KLF12: variants seen among roughly 807,000 people sequenced by gnomAD.
KLF12 encodes the protein KLF transcription factor 12.
In KLF12, 9 loss-of-function variants were observed where a neutral mutation model predicts 37.8. That is an observed-to-expected ratio of 0.24 (90% CI 0.14 to 0.42). KLF12 has a LOEUF of 0.42. KLF12 is among the 10% of genes least tolerant of loss of function. The pLI is 1.00. For missense variants in KLF12, 411 were observed against 516.0 expected, an observed-to-expected ratio of 0.80 and a Z score of 1.97; for synonymous variants, 208 against 202.1, an observed-to-expected ratio of 1.03 and a Z score of -0.25.
chr13:73,885,879 A>G (rs1418090675), intron 3 of KLF12, among the ~76,000 whole-genome samples: 2 of 152,234 alleles, frequency 1.3e-5, no homozygotes, highest in Non-Finnish European at 2.9e-5. Flanking sequence ...TAATCCAGAT[A>G]AAAGGCATTT....
In KLF12 at chr13:74,096,615, TTC is replaced by T. The variant is rs556112124; in HGVS notation, c.-32+37122_-32+37123del. ...GAAAATCAATATTCATAAATCATGTTTCTGTTTCCTAGGAAACTAGGTAATAC... is the reference window on the plus strand; with the variant it reads ...GAAAATCAATATTCATAAATCATGTTTGTTTCCTAGGAAACTAGGTAATAC... On this transcript the variant is annotated intron_variant, in intron 1 of 7. Coordinates refer to ENST00000377669, the MANE Select transcript of KLF12 (RefSeq NM_007249.5). Among the ~76,000 whole-genome samples, 162 of 152,334 alleles carry T rather than the reference TTC, an allele frequency of 1.1e-3. 1 individual carries two copies. Among genetic ancestry groups the T allele is most frequent in the Admixed American group, 4.4e-3 (68 of 15,308 alleles).
chr13:74,142,466 G>C, the KLF12 span, among the ~76,000 whole-genome samples: 12 of 152,138 alleles, frequency 7.9e-5, no homozygotes, highest in Non-Finnish European at 1.6e-4. Flanking sequence ...ATTTTTGTTG[G>C]GGTCAGTTTT....
intron 3 of KLF12, among the ~76,000 whole-genome samples, chr13:73,851,850 C>T (rs1283068472): frequency 1.3e-5 from 2 of 152,162 alleles, no homozygotes; most frequent in Non-Finnish European, 1.5e-5. Flanking sequence ...GGTTACGCTG[C>T]ATTATTTTAA....
intron 1 of KLF12, among the ~76,000 whole-genome samples, chr13:74,123,785 T>G (rs1178688533): frequency 6.6e-6 from 1 of 152,230 alleles, no homozygotes; most frequent in Non-Finnish European, 1.5e-5. Context: ...TTATCGAGAC[T>G]AAATGAAAGT....
At chr13:74,276,005 G>C in the KLF12 span, among the ~76,000 whole-genome samples, 1 of 148,728 alleles carries the variant, frequency 6.7e-6, no homozygotes, top group African/African-American at 2.5e-5. Flanking sequence ...TATATGTGCA[G>C]AACGTGCAGG....
chr13:73,719,399 A>G, intron 6 of KLF12, among the ~76,000 whole-genome samples: 1 of 148,868 alleles, frequency 6.7e-6, no homozygotes, highest in Non-Finnish European at 1.5e-5. Flanking sequence ...TTGTATTTCC[A>G]GAACCTAGGA....
the KLF12 span, among the ~76,000 whole-genome samples, chr13:74,234,955 C>T: frequency 2.3e-5 from 3 of 129,176 alleles, no homozygotes; most frequent in East Asian, 2.1e-4. Context: ...TCTCTATCTA[C>T]CTATCTATCT....
intron 3 of KLF12, among the ~76,000 whole-genome samples, chr13:73,907,160 T>C (rs1888340251): frequency 6.6e-6 from 1 of 152,186 alleles, no homozygotes; most frequent in African/African-American, 2.4e-5. Context: ...CATATTATTT[T>C]CTCAGCAACA....
intron 3 of KLF12, among the ~76,000 whole-genome samples, chr13:73,879,186 G>A (rs1230146089): frequency 6.6e-6 from 1 of 152,182 alleles, no homozygotes; most frequent in Non-Finnish European, 1.5e-5. Flanking sequence ...CTGCTGTTCA[G>A]TGAGTATTAC....
intron 3 of KLF12, among the ~76,000 whole-genome samples, chr13:73,897,802 T>G (rs887205564): frequency 2.6e-5 from 4 of 152,186 alleles, no homozygotes; most frequent in Admixed American, 2.6e-4. Flanking sequence ...AAAATACAAA[T>G]CTAATGATGC....
the KLF12 span, among the ~76,000 whole-genome samples, chr13:74,209,787 C>T: frequency 6.6e-6 from 1 of 152,080 alleles, no homozygotes; most frequent in East Asian, 1.9e-4. Flanking sequence ...CACATAAGTG[C>T]CCAATAATTA....
At chr13:73,735,836 G>A (rs1168885491) in intron 6 of KLF12, among the ~76,000 whole-genome samples, 1 of 152,104 alleles carries the variant, frequency 6.6e-6, no homozygotes, top group Non-Finnish European at 1.5e-5. Flanking sequence ...TGAGTCTAAG[G>A]GAGAGTCAAG....
intron 2 of KLF12, among the ~76,000 whole-genome samples, chr13:73,977,158 C>T (rs1230337701): frequency 6.6e-6 from 1 of 151,730 alleles, no homozygotes; most frequent in Non-Finnish European, 1.5e-5. Context: ...TGAAGCACCT[C>T]AGCCTCCTGA....
chr13:74,259,522 T>G, the KLF12 span: 1 of 152,300 alleles, frequency 6.6e-6, no homozygotes, highest in Middle Eastern at 3.4e-3. Context: ...GTACACAGAA[T>G]TTTTCACAGA....
chr13:73,791,007 G>T (rs1194608381), intron 5 of KLF12, among the ~76,000 whole-genome samples: 2 of 152,198 alleles, frequency 1.3e-5, no homozygotes, highest in Non-Finnish European at 2.9e-5. Context: ...GAGAAAAAGG[G>T]GGAGTTGTCT....
intron 1 of KLF12, among the ~76,000 whole-genome samples, chr13:74,044,214 C>A (rs1224524496): frequency 1.3e-5 from 2 of 152,118 alleles, no homozygotes; most frequent in African/African-American, 2.4e-5. Flanking sequence ...CCACAACCGC[C>A]CCACCCTCTT....
chr13:74,286,944 A>G, the KLF12 span, among the ~76,000 whole-genome samples: 2 of 152,212 alleles, frequency 1.3e-5, no homozygotes, highest in African/African-American at 4.8e-5. Context: ...ACCAAGCTGT[A>G]GCTATCATTT....
chr13:74,067,789 G>A (rs1300349840), intron 1 of KLF12, among the ~76,000 whole-genome samples: 1 of 152,172 alleles, frequency 6.6e-6, no homozygotes, highest in African/African-American at 2.4e-5. Context: ...CAGGAGACAG[G>A]TGCTCAAAAT....
At chr13:74,267,094 T>A in the KLF12 span, among the ~76,000 whole-genome samples, 17 of 152,210 alleles carry the variant, frequency 1.1e-4, no homozygotes, top group Non-Finnish European at 2.2e-4. Context: ...TGCATAATGA[T>A]CTCATGAATT....
Sources: allele counts gnomAD v4.1 joint callset (sites outside exome capture counted in the v4.1 genomes callset), GRCh38; gene constraint gnomAD v4.1.1; transcripts MANE v1.5; gene names NCBI Gene and HGNC (gene_info 2026-07-23, HGNC 2026-07-21).